SLC6A6: variants seen among roughly 807,000 people sequenced by gnomAD.
SLC6A6 encodes sodium- and chloride-dependent taurine transporter.
Under a neutral mutation model 68.8 loss-of-function variants are expected in SLC6A6, and 16 were observed. The ratio of observed to expected loss-of-function variants is 0.23; its 90% CI spans 0.16 to 0.35. SLC6A6 has a LOEUF of 0.35. SLC6A6 is among the 10% of genes least tolerant of loss of function. The pLI, the probability that SLC6A6 is intolerant of heterozygous loss-of-function variation, is 1.00. For missense variants in SLC6A6, 474 were observed against 802.8 expected (o/e 0.59, Z 4.95); for synonymous variants, 312 against 315.4 (o/e 0.99, Z 0.12).
intron 2 of SLC6A6, among the ~76,000 whole-genome samples, chr3:14,430,718 A>T (rs1278542186): frequency 6.6e-6 from 1 of 152,224 alleles, no homozygotes; most frequent in Non-Finnish European, 1.5e-5. Flanking sequence ...AGAAGAGCTT[A>T]TGTTCAGCCT....
In SLC6A6 at chr3:14,477,174, G is replaced by T. The variant is rs376610949; in HGVS notation, c.1210-31G>T. Reference sequence around the variant, plus strand: ...GGCAAGGGTGGCCTGAGCGTCAGCCGCTCACCAGCTCTCTCTCTTCCCCTC... The same window carrying T: ...GGCAAGGGTGGCCTGAGCGTCAGCCTCTCACCAGCTCTCTCTCTTCCCCTC... On this transcript the variant is annotated intron_variant, in intron 10 of 14. Coordinates refer to ENST00000622186, the MANE Select transcript of SLC6A6 (RefSeq NM_003043.6). The surrounding 1 kb of genome is among the most constrained non-coding windows in gnomAD (Gnocchi z 4.2). The T allele has an allele frequency of 5.0e-6, 8 of 1,598,622 alleles. No homozygotes were observed. In the South Asian group the frequency reaches 8.9e-5, roughly 18 times the overall value.
At chr3:14,443,884 A>C in intron 3 of SLC6A6, 21 bp downstream of exon 3, 2 of 1,546,770 alleles carry the variant, frequency 1.3e-6, no homozygotes, top group Non-Finnish European at 1.8e-6. Context: ...GCCGGGCCAC[A>C]GGGGAGCCCA....
At chr3:14,460,984 G>A (rs1306526170) in intron 6 of SLC6A6, among the ~76,000 whole-genome samples, 9 of 152,360 alleles carry the variant, frequency 5.9e-5, no homozygotes, top group East Asian at 5.8e-4. Flanking sequence ...CCCTGCTCTC[G>A]TGTCTAGTCC....
chr3:14,449,489 C>T (rs1700206885), intron 5 of SLC6A6, among the ~76,000 whole-genome samples: 1 of 152,198 alleles, frequency 6.6e-6, no homozygotes, highest in African/African-American at 2.4e-5. Flanking sequence ...ACCGGGCCTT[C>T]CCCACTCCTG....
intron 1 of SLC6A6, among the ~76,000 whole-genome samples, chr3:14,415,008 G>C (rs528550208): frequency 6.6e-6 from 1 of 152,142 alleles, no homozygotes; most frequent in African/African-American, 2.4e-5. Flanking sequence ...CAAGGTTTAC[G>C]TTGCTACTTC....
chr3:14,422,221 C>G (rs925683353), intron 2 of SLC6A6, among the ~76,000 whole-genome samples: 8 of 152,088 alleles, frequency 5.3e-5, no homozygotes, highest in African/African-American at 1.9e-4. Context: ...CCTCAGGCAC[C>G]CATGAAGGAA....
At position 14,467,850 on chromosome 3, in the gene SLC6A6, T is replaced by C. The variant is rs1417331980; in HGVS notation, c.868-3T>C. On this transcript the variant is annotated splice_polypyrimidine_tract_variant and splice_region_variant and intron_variant, in intron 7 of 14. Transcript: ENST00000622186. Reference sequence around the variant, plus strand: ...TTCCTTGCCACCTCCCTCCCCCTCATAGGTGTGGATTGACGCTGGGACTCA... The same window carrying C: ...TTCCTTGCCACCTCCCTCCCCCTCACAGGTGTGGATTGACGCTGGGACTCA... The C allele has an allele frequency of 1.3e-6, 2 of 1,591,468 alleles. No homozygotes were observed. The highest frequency in any genetic ancestry group is 1.7e-5 in the Admixed American group (1 of 59,030).
intron 2 of SLC6A6, among the ~76,000 whole-genome samples, chr3:14,443,249 G>A (rs1191955043): frequency 3.3e-5 from 5 of 152,300 alleles, no homozygotes; most frequent in African/African-American, 1.2e-4. Context: ...TTTGGCAGAT[G>A]CCTAGAACTG....
chr3:14,480,440 C>T (rs1700980719), intron 13 of SLC6A6, among the ~76,000 whole-genome samples: 1 of 150,764 alleles, frequency 6.6e-6, no homozygotes. Flanking sequence ...GATGAGGTCA[C>T]CCTCATGGAG....
In SLC6A6 at chr3:14,416,936, C is replaced by A. The variant is rs1488206170; in HGVS notation, c.-12+483C>A. Among the ~76,000 whole-genome samples the A allele has an allele frequency of 2.0e-5, 3 of 152,242 alleles. No homozygotes were observed. The East Asian group carries it at 5.8e-4, about 29-fold the overall frequency. On this transcript the variant is annotated intron_variant, in intron 2 of 14. Coordinates refer to ENST00000622186, the MANE Select transcript of SLC6A6 (RefSeq NM_003043.6). ...AGGGCTCACTGCAGCCTCGATCTCC[C>A]CAGGTTCAGGTGATCCTCCCACCCC...
At chr3:14,436,260 G>A (rs1252406281) in intron 2 of SLC6A6, among the ~76,000 whole-genome samples, 1 of 152,128 alleles carries the variant, frequency 6.6e-6, no homozygotes, top group Non-Finnish European at 1.5e-5. Flanking sequence ...GAGTGAGGTG[G>A]CATGATCACA....
chr3:14,470,312 T>C (rs1376830892), intron 9 of SLC6A6, among the ~76,000 whole-genome samples: 1 of 152,238 alleles, frequency 6.6e-6, no homozygotes, highest in African/African-American at 2.4e-5. Flanking sequence ...ATTTCTCTAA[T>C]AAGCTTTTAA....
At chr3:14,427,591 A>G (rs1343465624) in intron 2 of SLC6A6, among the ~76,000 whole-genome samples, 2 of 152,214 alleles carry the variant, frequency 1.3e-5, no homozygotes, top group Non-Finnish European at 2.9e-5. Context: ...ACCTTCAGCC[A>G]GGAGCTGTGG....
intron 5 of SLC6A6, among the ~76,000 whole-genome samples, chr3:14,455,456 C>T (rs1259269428): frequency 1.3e-5 from 2 of 152,202 alleles, no homozygotes. Flanking sequence ...GAAAGGCTGT[C>T]TTGTGACTGG....
chr3:14,469,787 G>T (rs531690145), intron 9 of SLC6A6, among the ~76,000 whole-genome samples: 1 of 151,872 alleles, frequency 6.6e-6, no homozygotes, highest in Non-Finnish European at 1.5e-5. Flanking sequence ...GATGCACACT[G>T]CCCAGCCCCA....
chr3:14,466,480 T>G (rs1378700984), intron 6 of SLC6A6, 36 bp from the exon 7 acceptor site: 1 of 1,587,026 alleles, frequency 6.3e-7, no homozygotes, highest in South Asian at 1.1e-5. Flanking sequence ...CAGCAAGTGA[T>G]GCCCATGGCC....
At chr3:14,427,621 T>C (rs1699630429) in intron 2 of SLC6A6, among the ~76,000 whole-genome samples, 1 of 152,142 alleles carries the variant, frequency 6.6e-6, no homozygotes. Flanking sequence ...GCTGCCATGT[T>C]GAGGGGTCCC....
chr3:14,468,399 T>G lies in SLC6A6; in HGVS notation c.1096+187T>G, dbSNP rs1350384034. On this transcript the variant is annotated intron_variant, in intron 9 of 14. Transcript: ENST00000622186. The surrounding 1 kb of genome is among the most constrained non-coding windows in gnomAD (Gnocchi z 4.5). ...GAGTACAAAGCCAAATTTTAAACAT[T>G]TGTATTGCAATTTGGCCCTGATGGG... Among the ~76,000 whole-genome samples, 6 of 38,546 alleles carry G rather than the reference T, an allele frequency of 1.6e-4. No individual in the cohort carries two copies. In the East Asian group the frequency reaches 4.3e-3, roughly 28 times the overall value. The allele number at this position is 38,546 out of a possible 152,430, so 25.3% of individuals were successfully genotyped here. A position where few individuals can be genotyped will look rare whatever the true frequency, so the allele number is the denominator to read the frequency against.
Position 14,486,943 on chromosome 3 carries a change from A to G in SLC6A6, c.*1936A>G, listed in dbSNP as rs958536733. On this transcript the variant is annotated 3_prime_UTR_variant, in exon 15 of 15. Coordinates refer to ENST00000622186, the MANE Select transcript of SLC6A6 (RefSeq NM_003043.6). Reference sequence around the variant, plus strand: ...CTTGTTCCTGTTTTTCTATGTATTTATGGTTGCCGTTTGTGTCTGATTTGA... The same window carrying G: ...CTTGTTCCTGTTTTTCTATGTATTTGTGGTTGCCGTTTGTGTCTGATTTGA... 2 of 152,252 alleles carry G rather than the reference A, an allele frequency of 1.3e-5. No individual in the cohort carries two copies. 9.4% of individuals were successfully genotyped at this position (152,252 alleles called of 1,614,324 possible).
Sources: allele counts gnomAD v4.1 joint callset (sites outside exome capture counted in the v4.1 genomes callset), GRCh38; gene constraint gnomAD v4.1.1; non-coding constraint Gnocchi (gnomAD v3.1); transcripts MANE v1.5; gene names NCBI Gene and HGNC (gene_info 2026-07-23, HGNC 2026-07-21).